The following PCGF3 variants were observed in gnomAD, a reference collection of about 807,000 sequenced individuals.
PCGF3 encodes the protein polycomb group RING finger protein 3.
PCGF3 carries 7 observed loss-of-function variants against 33.1 expected under a neutral mutation model. The observed-to-expected ratio is 0.21, with a 90% confidence interval of 0.12 to 0.40. The LOEUF is 0.40. Ranked by LOEUF, PCGF3 falls within the 10% of genes least tolerant of loss-of-function variation. The pLI, the probability that PCGF3 is intolerant of heterozygous loss-of-function variation, is 1.00. For missense variants in PCGF3, 211 were observed against 313.3 expected (o/e 0.67, Z 2.46); for synonymous variants, 153 against 121.3 (o/e 1.26, Z -1.72).
intron 1 of PCGF3, among the ~76,000 whole-genome samples, chr4:714,332 G>A (rs902872311): frequency 4.6e-5 from 7 of 152,154 alleles, no homozygotes; most frequent in South Asian, 2.1e-4. Flanking sequence ...CCGTTCGGCC[G>A]CATTTGCTTC....
At chr4:717,283 T>C (rs1203712429) in intron 1 of PCGF3, among the ~76,000 whole-genome samples, 1 of 141,136 alleles carries the variant, frequency 7.1e-6, no homozygotes, top group East Asian at 2.1e-4. Context: ...GCTGGGACCC[T>C]GTAGACACTG....
chr4:733,987 G>A (rs745793577), intron 4 of PCGF3, 198 bp downstream of exon 4: 53 of 1,551,150 alleles, frequency 3.4e-5, no homozygotes, highest in Non-Finnish European at 4.4e-5. Context: ...TGGTGTCAGA[G>A]CAGATGAGGC....
intron 8 of PCGF3, among the ~76,000 whole-genome samples, chr4:754,886 T>C (rs1373377517): frequency 1.3e-5 from 2 of 152,036 alleles, no homozygotes; most frequent in African/African-American, 4.8e-5. Context: ...CAGCACTGGG[T>C]TTGGGGCATA....
intron 1 of PCGF3, among the ~76,000 whole-genome samples, chr4:713,175 G>C (rs1742649553): frequency 7.1e-6 from 1 of 140,226 alleles, no homozygotes; most frequent in Admixed American, 6.9e-5. Context: ...GGCGTCATGG[G>C]GGCTGTGGCC....
intron 8 of PCGF3, among the ~76,000 whole-genome samples, chr4:753,795 A>G (rs1384995837): frequency 6.6e-6 from 1 of 151,936 alleles, no homozygotes; most frequent in Non-Finnish European, 1.5e-5. Context: ...TAAAATACAA[A>G]AAATTAGCCG....
intron 6 of PCGF3, among the ~76,000 whole-genome samples, chr4:738,203 TG>T (rs1695753222): frequency 6.6e-6 from 1 of 152,230 alleles, no homozygotes; most frequent in Non-Finnish European, 1.5e-5. Context: ...TGGTTCTCAC[TG>T]TATCTCAGAA....
At chr4:765,587 G>A (rs1025878882) in intron 10 of PCGF3, among the ~76,000 whole-genome samples, 4 of 152,200 alleles carry the variant, frequency 2.6e-5, no homozygotes, top group South Asian at 2.1e-4. Flanking sequence ...GGCCATGAGT[G>A]CCATGAGCAG....
intron 1 of PCGF3, among the ~76,000 whole-genome samples, chr4:712,649 T>C (rs1053381811): frequency 2.0e-5 from 3 of 152,212 alleles, no homozygotes; most frequent in African/African-American, 4.8e-5. Flanking sequence ...GGTTTTGCCA[T>C]GTTGGCCAGG....
chr4:724,220 C>T (rs1002351271), intron 1 of PCGF3, among the ~76,000 whole-genome samples: 2 of 152,208 alleles, frequency 1.3e-5, no homozygotes, highest in Admixed American at 6.5e-5. Context: ...GAGGTGGGAT[C>T]GGCTGCGGGA....
At chr4:748,059 T>C (rs1744342774) in intron 8 of PCGF3, among the ~76,000 whole-genome samples, 1 of 152,032 alleles carries the variant, frequency 6.6e-6, no homozygotes, top group South Asian at 2.1e-4. Context: ...AGCCTGGCAG[T>C]GTGTTGAAAG....
At chr4:764,870 G>A (rs945805451) in intron 9 of PCGF3, 114 bp from the exon 10 acceptor site, 4 of 682,898 alleles carry the variant, frequency 5.9e-6, no homozygotes, top group African/African-American at 3.5e-5. Context: ...CCATCTCTAG[G>A]CACGTTCTTG....
At chr4:761,878 C>G in intron 9 of PCGF3, 1 of 985,422 alleles carries the variant, frequency 1.0e-6, no homozygotes, top group Non-Finnish European at 1.2e-6. Flanking sequence ...GGCAGTGACA[C>G]CATGGGGATG....
At chr4:752,789 C>A (rs1744583935) in intron 8 of PCGF3, among the ~76,000 whole-genome samples, 1 of 152,242 alleles carries the variant, frequency 6.6e-6, no homozygotes, top group Non-Finnish European at 1.5e-5. Context: ...GTGGCTGTGA[C>A]CCCGCCAGGG....
In PCGF3 at chr4:730,671, A is replaced by C; in HGVS notation, c.-151+3A>C. 2 of 202,972 alleles carry C rather than the reference A, an allele frequency of 9.9e-6. No homozygotes were observed. Among genetic ancestry groups the C allele is most frequent in the Non-Finnish European group, 2.0e-5 (2 of 101,300 alleles). The allele number at this position is 202,972 out of a possible 1,614,324, so 12.6% of individuals were successfully genotyped here. A position where few individuals can be genotyped will look rare whatever the true frequency, so the allele number is the denominator to read the frequency against. Reference sequence around the variant, plus strand: ...GGGACCCCAGGCGTCGTGCTCAGGTAAGTGCGCGTAGGCCGACTGCCCTCT... The same window carrying C: ...GGGACCCCAGGCGTCGTGCTCAGGTCAGTGCGCGTAGGCCGACTGCCCTCT... On this transcript the variant is annotated splice_donor_region_variant and intron_variant, in intron 2 of 10. Coordinates refer to ENST00000362003, the Ensembl canonical transcript of PCGF3.
At chr4:733,906 A>C (rs73221126) in intron 4 of PCGF3, 117 bp downstream of exon 4, 67,509 of 1,579,826 alleles carry the variant, frequency 0.043, 1,796 homozygotes, top group South Asian at 0.098. Flanking sequence ...AAAAGCAGGA[A>C]CCAGGACCAG....
chr4:754,993 T>A (rs1560215154), intron 8 of PCGF3, among the ~76,000 whole-genome samples: 1 of 152,196 alleles, frequency 6.6e-6, no homozygotes, highest in Non-Finnish European at 1.5e-5. Context: ...AGGAGCTCAG[T>A]GTTCCCAGGC....
chr4:731,458 A>G (rs969203375), intron 3 of PCGF3: 6 of 315,336 alleles, frequency 1.9e-5, no homozygotes, highest in African/African-American at 1.1e-4. Flanking sequence ...TCCTGCAGGG[A>G]GGTCCTCAGG....
At chr4:755,904 CTTTTTTTTTTTTTTTTT>C (rs570528684) in intron 8 of PCGF3, among the ~76,000 whole-genome samples, 3 of 87,178 alleles carry the variant, frequency 3.4e-5, no homozygotes, top group African/African-American at 5.5e-5. Flanking sequence ...CAGAATTGTC[CTTTTTTTTTTTTTTTTT>C]TTTTTTTTTT....
chr4:767,456 T>C (rs879756512), exon 11 of PCGF3: 1 of 152,218 alleles, frequency 6.6e-6, no homozygotes, highest in Non-Finnish European at 1.5e-5. Context: ...TTATTTCCTG[T>C]GGAACTGAAT....
Sources: allele counts gnomAD v4.1 joint callset (sites outside exome capture counted in the v4.1 genomes callset), GRCh38; gene constraint gnomAD v4.1.1; transcripts MANE v1.5; gene names NCBI Gene and HGNC (gene_info 2026-07-23, HGNC 2026-07-21).